Variants in VAPB observed in about 807,000 individuals in gnomAD.
VAPB encodes the protein VAMP associated protein B and C, also known as vesicle-associated membrane protein-associated protein B/C.
Under a neutral mutation model 25.6 loss-of-function variants are expected in VAPB, and 7 were observed. The observed-to-expected ratio is 0.27, with a 90% CI of 0.16 to 0.51. The LOEUF (loss-of-function observed/expected upper bound fraction) is 0.51. VAPB is among the 20% of genes least tolerant of loss of function. The pLI is 0.97. For synonymous variants in VAPB, 112 were observed against 109.2 expected (o/e 1.03, Z -0.16); for missense variants, 266 against 301.3 (o/e 0.88, Z 0.87).
chr20:58,413,609 A>C (rs910276178), intron 1 of VAPB, among the ~76,000 whole-genome samples: 7 of 151,740 alleles, frequency 4.6e-5, no homozygotes, highest in African/African-American at 1.7e-4. Flanking sequence ...CCGCCTTTCT[A>C]TTCCACAAAG....
chr20:58,389,457 A>G lies in VAPB; in HGVS notation c.-3A>G, dbSNP rs559486744. 6 of 1,594,754 alleles carry G rather than the reference A, an allele frequency of 3.8e-6. No individual in the cohort carries two copies. In the African/African-American group the frequency reaches 5.4e-5, roughly 14 times the overall value. ...CGCCAAAGGTGCTCCGCCGCTAAGG[A>G]ACATGGCGAAGGTGGAGCAGGTCCT... On this transcript the variant is annotated 5_prime_UTR_variant, in exon 1 of 6. Coordinates refer to ENST00000475243, the MANE Select transcript of VAPB (RefSeq NM_004738.5).
At chr20:58,427,025 G>A (rs113652829) in intron 2 of VAPB, among the ~76,000 whole-genome samples, 29 of 151,772 alleles carry the variant, frequency 1.9e-4, no homozygotes, top group East Asian at 1.6e-3. Context: ...TATGATGCAG[G>A]CGAAAGTGAC....
chr20:58,395,244 T>A (rs911040449), intron 1 of VAPB, among the ~76,000 whole-genome samples: 2 of 149,994 alleles, frequency 1.3e-5, no homozygotes, highest in African/African-American at 4.9e-5. Flanking sequence ...CTCCGCCTCC[T>A]GGGTTCAAAC....
At chr20:58,429,918 T>C (rs1988889324) in intron 2 of VAPB, among the ~76,000 whole-genome samples, 4 of 148,926 alleles carry the variant, frequency 2.7e-5, no homozygotes, top group Admixed American at 2.7e-4. Context: ...TTCTTAAAAA[T>C]GAAGACGCAG....
rs57100987 is a variant in VAPB at position 58,436,327 on chromosome 20, C to CTTTTTT, written c.315+1640_315+1645dup. Among the ~76,000 whole-genome samples, 1,089 of 114,322 alleles carry CTTTTTT rather than the reference C, an allele frequency of 9.5e-3. 39 individuals carry two copies. Among genetic ancestry groups the CTTTTTT allele is most frequent in the African/African-American group, 0.025 (745 of 29,722 alleles). The allele number at this position is 114,322 out of a possible 152,430, so 75.0% of individuals were successfully genotyped here. A position where few individuals can be genotyped will look rare whatever the true frequency, so the allele number is the denominator to read the frequency against. On this transcript the variant is annotated intron_variant, in intron 3 of 5. Coordinates refer to ENST00000475243, the MANE Select transcript of VAPB (RefSeq NM_004738.5). ...AAATGAGAGCTTTGTGTTTTTCTTC[C>CTTTTTT]TTTTTTTTTTTTTTTTTTTTTTTGG...
rs1465361246 is a variant in VAPB at position 58,449,917 on chromosome 20, G to A, written c.*5682G>A. 6 of 454,006 alleles carry A rather than the reference G, an allele frequency of 1.3e-5. No individual in the cohort carries two copies. The highest frequency in any genetic ancestry group is 1.0e-4 in the African/African-American group (5 of 50,000). 28.1% of individuals were successfully genotyped at this position (454,006 alleles called of 1,614,324 possible). On this transcript the variant is annotated 3_prime_UTR_variant, in exon 6 of 6. Coordinates refer to ENST00000475243, the MANE Select transcript of VAPB (RefSeq NM_004738.5). Reference sequence around the variant, plus strand: ...CTGATACCCAAAGCCATGTCTGACTGAAATAAAACAGGTTCCCTTTTTTTT... The same window carrying A: ...CTGATACCCAAAGCCATGTCTGACTAAAATAAAACAGGTTCCCTTTTTTTT...
intron 1 of VAPB, among the ~76,000 whole-genome samples, chr20:58,395,049 C>T (rs1439700335): frequency 6.6e-6 from 1 of 151,866 alleles, no homozygotes; most frequent in Non-Finnish European, 1.5e-5. Context: ...GGGGAGGAGT[C>T]AAGGGAGTAT....
intron 1 of VAPB, among the ~76,000 whole-genome samples, chr20:58,405,111 AT>A (rs1423547997): frequency 6.6e-6 from 1 of 152,222 alleles, no homozygotes; most frequent in African/African-American, 2.4e-5. Context: ...AATGGATTCA[AT>A]TTTAAGTAGG....
intron 4 of VAPB, chr20:58,440,483 C>T (rs150878913): frequency 5.9e-5 from 10 of 168,698 alleles, no homozygotes; most frequent in South Asian, 1.4e-4. Context: ...TAAAGTAATT[C>T]GCCCTCTGTC....
At chr20:58,390,083 G>C (rs1987755883) in intron 1 of VAPB, 1 of 152,714 alleles carries the variant, frequency 6.5e-6, no homozygotes, top group Admixed American at 6.5e-5. Flanking sequence ...TGTGTACCCA[G>C]CACACATTAT....
intron 1 of VAPB, among the ~76,000 whole-genome samples, chr20:58,400,311 A>G (rs1472092873): frequency 1.3e-5 from 2 of 152,154 alleles, no homozygotes; most frequent in Non-Finnish European, 2.9e-5. Flanking sequence ...TTTTAGCTGA[A>G]GAAGAGAGAT....
rs1989412733 is a variant in VAPB, at chr20:58,450,301, A to G, written c.*6066A>G. 8.8e-6 allele frequency: 4 copies of G among 453,930 alleles called. No individual in the cohort carries two copies. Among genetic ancestry groups the G allele is most frequent in the Non-Finnish European group, 1.8e-5 (4 of 226,704 alleles). 28.1% of individuals were successfully genotyped at this position (453,930 alleles called of 1,614,324 possible). A position where few individuals can be genotyped will look rare whatever the true frequency, so the allele number is the denominator to read the frequency against. ...TATTGAGACCATGTGTACAAGAACT[A>G]CTTTTTGCTTTTCATCATTCACTCC... On this transcript the variant is annotated 3_prime_UTR_variant, in exon 6 of 6. Transcript: ENST00000475243.
At chr20:58,439,798 G>T (rs2123098085) in intron 4 of VAPB, 1 of 152,320 alleles carries the variant, frequency 6.6e-6, no homozygotes, top group Admixed American at 6.5e-5. Flanking sequence ...CTTGTGACCA[G>T]TTGAAGAAAG....
chr20:58,447,415 C>A lies in VAPB; in HGVS notation c.*3180C>A, dbSNP rs889091719. The A allele has an allele frequency of 6.6e-6, 3 of 453,906 alleles. No individual in the cohort carries two copies. The highest frequency in any genetic ancestry group is 1.3e-5 in the Non-Finnish European group (3 of 226,792). The allele number at this position is 453,906 out of a possible 1,614,324, so 28.1% of individuals were successfully genotyped here. A position where few individuals can be genotyped will look rare whatever the true frequency, so the allele number is the denominator to read the frequency against. The stretch of plus-strand genomic sequence containing the variant: ...TGATAAAATCAAAATTGATTTTTAC[C>A]AGTGGCCAGTTTATGGCTAGAGAGA... On this transcript the variant is annotated 3_prime_UTR_variant, in exon 6 of 6. Transcript: ENST00000475243.
chr20:58,394,310 T>C (rs554807248), intron 1 of VAPB, among the ~76,000 whole-genome samples: 3 of 152,376 alleles, frequency 2.0e-5, no homozygotes, highest in Non-Finnish European at 2.9e-5. Context: ...GATGTGTAAT[T>C]TAAGATTGTT....
At chr20:58,400,153 G>A (rs1302842064) in intron 1 of VAPB, among the ~76,000 whole-genome samples, 1 of 152,176 alleles carries the variant, frequency 6.6e-6, no homozygotes, top group Non-Finnish European at 1.5e-5. Context: ...GCATTACAAA[G>A]CGAATCTGTG....
At chr20:58,412,234 G>A (rs1403803968) in intron 1 of VAPB, among the ~76,000 whole-genome samples, 3 of 151,980 alleles carry the variant, frequency 2.0e-5, no homozygotes, top group Non-Finnish European at 4.4e-5. Flanking sequence ...TTTATAGTTT[G>A]GGGTCTAAAT....
intron 1 of VAPB, among the ~76,000 whole-genome samples, chr20:58,406,016 G>A (rs1006297711): frequency 1.3e-5 from 2 of 152,062 alleles, no homozygotes; most frequent in Non-Finnish European, 2.9e-5. Context: ...ACTGCTTTTG[G>A]CCTAAGCAGT....
chr20:58,399,942 AT>A (rs1164522137), intron 1 of VAPB, among the ~76,000 whole-genome samples: 1 of 152,060 alleles, frequency 6.6e-6, no homozygotes, highest in East Asian at 1.9e-4. Flanking sequence ...ACTGGGTACT[AT>A]TTTAGTCTTT....
Sources: allele counts gnomAD v4.1 joint callset (sites outside exome capture counted in the v4.1 genomes callset), GRCh38; gene constraint gnomAD v4.1.1; transcripts MANE v1.5; gene names NCBI Gene and HGNC (gene_info 2026-07-23, HGNC 2026-07-21).